The following SEC23IP variants were observed in gnomAD, a reference collection of about 807,000 sequenced individuals.
SEC23IP encodes SEC23 interacting protein.
In SEC23IP, 70 loss-of-function variants were observed where a neutral mutation model predicts 113.4. The ratio of observed to expected loss-of-function variants is 0.62; its 90% CI spans 0.51 to 0.75. SEC23IP has a LOEUF of 0.75. Ranked by LOEUF, SEC23IP falls within the 30% of genes least tolerant of loss-of-function variation. The pLI is 0.00. For synonymous variants in SEC23IP, 398 were observed against 421.0 expected (o/e 0.95, Z 0.67); for missense variants, 1,160 against 1,204.9 (o/e 0.96, Z 0.55).
rs920602947 is a variant in SEC23IP at position 119,892,825 on chromosome 10, A to C, written c.43A>C (p.Thr15Pro). The C allele has an allele frequency of 1.9e-6, 3 of 1,613,276 alleles. No homozygotes were observed. Among genetic ancestry groups the C allele is most frequent in the Non-Finnish European group, 2.5e-6 (3 of 1,179,786 alleles). ...KPNGGSGGAS[T>P]SSSGTNLLFS... ...TAACGGTGGCAGCGGCGGCGCCTCC[A>C]CTTCCTCATCGGGCACTAACTTACT... Residue 15 changes from threonine (T) to proline (P), a missense_variant, in exon 1 of 19, where the codon ACT (threonine) becomes CCT (proline). Coordinates refer to ENST00000369075, the MANE Select transcript of SEC23IP (RefSeq NM_007190.4).
At chr10:119,907,031 C>G in intron 4 of SEC23IP, among the ~76,000 whole-genome samples, 1 of 150,938 alleles carries the variant, frequency 6.6e-6, no homozygotes, top group Non-Finnish European at 1.5e-5. Context: ...GGCATGGTGA[C>G]TCACGCCTGT....
chr10:119,932,434 C>T (rs1182769278), intron 16 of SEC23IP, 116 bp downstream of exon 16: 10 of 734,498 alleles, frequency 1.4e-5, no homozygotes, highest in Non-Finnish European at 2.2e-5. Context: ...TATAGAAGCT[C>T]TTTAAAGGAA....
intron 4 of SEC23IP, among the ~76,000 whole-genome samples, 199 bp from the exon 5 acceptor site, chr10:119,908,842 C>A (rs576359893): frequency 6.6e-6 from 1 of 152,170 alleles, no homozygotes; most frequent in Non-Finnish European, 1.5e-5. Context: ...TAATGGGGAT[C>A]CTGTTACTTA....
rs377380377 is a variant in SEC23IP, at chr10:119,933,730, G to A, written c.2966G>A (p.Arg989Gln). The A allele has an allele frequency of 3.1e-6, 5 of 1,597,114 alleles. No individual in the cohort carries two copies. The highest frequency in any genetic ancestry group is 1.7e-5 in the Admixed American group (1 of 59,958). Residue 989 changes from arginine (R) to glutamine (Q), a missense_variant, in exon 18 of 19, where the codon CGA becomes CAA. Arg to Gln is a conservative substitution (Grantham distance 43, BLOSUM62 1). Coordinates refer to ENST00000369075, the MANE Select transcript of SEC23IP (RefSeq NM_007190.4). Reference protein sequence around the residue: ...TALLLLKEIYRTMNISPEQPQ... With the variant: ...TALLLLKEIYQTMNISPEQPQ... ...CTGTTACTACTTAAAGAAATTTATCGAACAATGAACATTAGTCCAGAACAG... is the reference window on the plus strand; with the variant it reads ...CTGTTACTACTTAAAGAAATTTATCAAACAATGAACATTAGTCCAGAACAG...
chr10:119,921,808 ATT>A (rs1378812947), intron 12 of SEC23IP, among the ~76,000 whole-genome samples: 2 of 152,182 alleles, frequency 1.3e-5, no homozygotes, highest in Admixed American at 1.3e-4. Context: ...TCTTATTTGT[ATT>A]GTTATTAACA....
In SEC23IP at chr10:119,926,228, G is replaced by T. The variant is rs200856233; in HGVS notation, c.2313+1G>T. ...ATCTTTTGAAGTTGGCGCCGGACAG[G>T]TGAGTTTACATATTGACTGGGGCTA... On this transcript the variant is annotated splice_donor_variant, in intron 13 of 18. Coordinates refer to ENST00000369075, the MANE Select transcript of SEC23IP (RefSeq NM_007190.4). LOFTEE classifies it high-confidence loss of function. The T allele has an allele frequency of 2.2e-4, 355 of 1,613,776 alleles. No homozygotes were observed. Among genetic ancestry groups the T allele is most frequent in the Admixed American group, 6.3e-4 (38 of 59,984 alleles).
chr10:119,935,953 TCC>T (rs1391247074), intron 18 of SEC23IP, among the ~76,000 whole-genome samples: 4 of 152,336 alleles, frequency 2.6e-5, no homozygotes, highest in Non-Finnish European at 5.9e-5. Context: ...TTTTAGGTAT[TCC>T]ATTGACTATT....
At chr10:119,932,841 G>A (rs1855652109) in intron 16 of SEC23IP, among the ~76,000 whole-genome samples, 164 bp from the exon 17 acceptor site, 1 of 152,172 alleles carries the variant, frequency 6.6e-6, no homozygotes, top group Admixed American at 6.5e-5. Context: ...CGGGTAACCA[G>A]CCCCTCTTCC....
At chr10:119,900,078 A>G (rs760633831) in intron 2 of SEC23IP, among the ~76,000 whole-genome samples, 5 of 149,566 alleles carry the variant, frequency 3.3e-5, no homozygotes, top group East Asian at 2.0e-4. Flanking sequence ...TATATATGCA[A>G]TTTTGGGGGG....
chr10:119,923,582 T>C (rs1283850159), intron 12 of SEC23IP, among the ~76,000 whole-genome samples: 1 of 151,840 alleles, frequency 6.6e-6, no homozygotes, highest in East Asian at 1.9e-4. Flanking sequence ...GGAGTCTTGC[T>C]TTGTCTCCCA....
Position 119,909,080 on chromosome 10 carries a change from C to T in SEC23IP, c.1141C>T (p.Arg381Ter), listed in dbSNP as rs759858918. 6.2e-6 allele frequency: 10 copies of T among 1,612,918 alleles called. No individual in the cohort carries two copies. The highest frequency in any genetic ancestry group is 8.5e-6 in the Non-Finnish European group (10 of 1,179,536). ...KKAVTTNQWH[R>*]RLEFPSGETI... is the part of the protein sequence containing the mutation. ...AGCTGTAACCACTAATCAGTGGCAC[C>T]GAAGATTAGAGTTTCCAAGTGGAGA... The change falls in exon 5 of 19, where the codon CGA (arginine) becomes TGA (stop). Residue 381 changes from arginine (R) to a stop codon, truncating the protein, a stop_gained. Coordinates refer to ENST00000369075, the MANE Select transcript of SEC23IP (RefSeq NM_007190.4). LOFTEE classifies it high-confidence loss of function.
intron 1 of SEC23IP, among the ~76,000 whole-genome samples, chr10:119,893,514 CTTTT>C (rs60552712): frequency 4.7e-5 from 4 of 85,370 alleles, no homozygotes; most frequent in South Asian, 3.9e-4. Flanking sequence ...CATTCCTTAT[CTTTT>C]TTTTTTTTTT....
In SEC23IP at chr10:119,904,295, C is replaced by A. The variant is rs1209906923; in HGVS notation, c.1101+18C>A. On this transcript the variant is annotated intron_variant, in intron 4 of 18. Coordinates refer to ENST00000369075, the MANE Select transcript of SEC23IP (RefSeq NM_007190.4). ...AACTAGAGGTACGGGTGCTTTATTT[C>A]TTTATGAGTTTCTTTAAAAAATGTA... 2.5e-6 allele frequency: 4 copies of A among 1,608,614 alleles called. No homozygotes were observed. The highest frequency in any genetic ancestry group is 3.4e-6 in the Non-Finnish European group (4 of 1,175,554).
chr10:119,939,719 G>T (rs1310964326), intron 18 of SEC23IP, among the ~76,000 whole-genome samples: 5 of 152,096 alleles, frequency 3.3e-5, no homozygotes, highest in African/African-American at 1.2e-4. Flanking sequence ...TTGAGAAGGG[G>T]TCTCACTCTG....
chr10:119,893,298 T>C (rs1854157391), intron 1 of SEC23IP, among the ~76,000 whole-genome samples: 1 of 151,922 alleles, frequency 6.6e-6, no homozygotes, highest in Non-Finnish European at 1.5e-5. Context: ...CAGTAGTCTG[T>C]CTCCCACTAG....
chr10:119,903,070 T>A, intron 3 of SEC23IP, 61 bp downstream of exon 3: 8 of 1,317,406 alleles, frequency 6.1e-6, no homozygotes, highest in Non-Finnish European at 8.6e-6. Flanking sequence ...TGAGATCATT[T>A]ATTCATGATC....
chr10:119,933,031 T>C lies in SEC23IP; in HGVS notation c.2785T>C (p.Phe929Leu). 1 of 1,613,728 alleles carries C rather than the reference T, an allele frequency of 6.2e-7. No individual in the cohort carries two copies. Among genetic ancestry groups the C allele is most frequent in the Non-Finnish European group, 8.5e-7 (1 of 1,179,874 alleles). Residue 929 changes from phenylalanine to leucine, a missense_variant, in exon 17 of 19, where the codon TTT becomes CTT. Transcript: ENST00000369075. ...AGAAAAGGTTGTTGAAAGTCCAGAT[T>C]TTTCCAAGGATGAGGACTACTTAGG... ...EAEKVVESPDFSKDEDYLGKV... is the reference protein window; with the variant it reads ...EAEKVVESPDLSKDEDYLGKV...
At chr10:119,936,222 T>C (rs944228061) in intron 18 of SEC23IP, among the ~76,000 whole-genome samples, 2 of 152,200 alleles carry the variant, frequency 1.3e-5, no homozygotes, top group Non-Finnish European at 2.9e-5. Context: ...TTTGGATACA[T>C]TCTTAGAAGC....
rs202164600 is a variant in SEC23IP at position 119,926,142 on chromosome 10, A to G, written c.2228A>G (p.Asn743Ser). ...KDMASLPSES[N>S]EPKRKLPVGA... is the part of the protein sequence containing the mutation. ...ATGGCTTCCCTCCCCTCAGAATCCA[A>G]TGAGCCAAAGAGGAAACTTCCAGTT... Residue 743 changes from asparagine (N) to serine (S), a missense_variant, in exon 13 of 19, where the codon AAT becomes AGT. By Grantham distance (46) the Asn-to-Ser change is conservative. Coordinates refer to ENST00000369075, the MANE Select transcript of SEC23IP (RefSeq NM_007190.4). The G allele has an allele frequency of 1.5e-4, 246 of 1,614,130 alleles. 1 individual carries two copies. Among genetic ancestry groups the G allele is most frequent in the Admixed American group, 3.5e-4 (21 of 60,016 alleles).
Sources: allele counts gnomAD v4.1 joint callset (sites outside exome capture counted in the v4.1 genomes callset), GRCh38; gene constraint gnomAD v4.1.1; transcripts MANE v1.5; gene names NCBI Gene and HGNC (gene_info 2026-07-23, HGNC 2026-07-21).